PDIA3: variants seen among roughly 807,000 people sequenced by gnomAD.
PDIA3 encodes protein disulfide-isomerase A3.
In PDIA3, 16 loss-of-function variants were observed where a neutral mutation model predicts 56.9. The ratio of observed to expected loss-of-function variants is 0.28; its 90% CI spans 0.19 to 0.43. PDIA3 has a LOEUF of 0.43. PDIA3 is among the 20% of genes least tolerant of loss of function. The probability of loss-of-function intolerance (pLI) is 1.00; values close to 1 mark genes in which losing one functional copy is unlikely to be tolerated. For missense variants in PDIA3, 485 were observed against 621.3 expected (o/e 0.78, Z 2.33); for synonymous variants, 192 against 216.5 (o/e 0.89, Z 0.99).
chr15:43,762,072 A>G (rs2086819843), intron 4 of PDIA3, among the ~76,000 whole-genome samples: 1 of 152,222 alleles, frequency 6.6e-6, no homozygotes, highest in African/African-American at 2.4e-5. Flanking sequence ...TCGTTTTTAA[A>G]TGACATGAGC....
chr15:43,766,679 C>G, intron 7 of PDIA3, 49 bp from the exon 8 acceptor site: 1 of 1,504,926 alleles, frequency 6.6e-7, no homozygotes. Context: ...TTCAAAAGTG[C>G]TTGACCACCC....
intron 1 of PDIA3, among the ~76,000 whole-genome samples, chr15:43,747,726 A>G (rs758074337): frequency 1.3e-5 from 2 of 152,134 alleles, no homozygotes; most frequent in South Asian, 2.1e-4. Context: ...GTTTAATACT[A>G]TCCGTGTTCA....
intron 3 of PDIA3, among the ~76,000 whole-genome samples, chr15:43,759,756 G>C (rs1036800713): frequency 6.6e-6 from 1 of 152,094 alleles, no homozygotes; most frequent in Admixed American, 6.6e-5. Flanking sequence ...CTTACATGAG[G>C]TAGCACAAAT....
chr15:43,764,553 C>T (rs1173167942), intron 5 of PDIA3, among the ~76,000 whole-genome samples: 9 of 152,070 alleles, frequency 5.9e-5, no homozygotes, highest in African/African-American at 1.9e-4. Context: ...CTACAACCTC[C>T]GCCTCCTGGG....
chr15:43,761,627 A>G (rs1013729544), intron 4 of PDIA3, 96 bp downstream of exon 4: 1 of 681,890 alleles, frequency 1.5e-6, no homozygotes, highest in African/African-American at 1.8e-5. Flanking sequence ...GCAGTTAAGG[A>G]AACCTTGGGG....
intron 1 of PDIA3, among the ~76,000 whole-genome samples, chr15:43,747,589 T>G (rs543628014): frequency 3.3e-4 from 50 of 151,874 alleles, no homozygotes; most frequent in Non-Finnish European, 5.3e-4. Context: ...GTGTGTGTGT[T>G]TTTAAACCTC....
At position 43,746,768 on chromosome 15, in the gene PDIA3, G is replaced by T. The variant is rs529133956; in HGVS notation, c.167+62G>T. The T allele has an allele frequency of 1.9e-5, 30 of 1,558,542 alleles. No individual in the cohort carries two copies. In the East Asian group the frequency reaches 2.3e-4, roughly 12 times the overall value. On this transcript the variant is annotated intron_variant, in intron 1 of 12. Coordinates refer to ENST00000300289, the MANE Select transcript of PDIA3 (RefSeq NM_005313.5). ...GGGCTGGGCCGGGGGCGAGAGCGCG[G>T]GGAACTGTTGGGCCTACGCAGCGCC... is the stretch of plus-strand genomic sequence containing the variant.
rs997663541 is a variant in PDIA3 at position 43,756,571 on chromosome 15, C to T, written c.247-78C>T. 3 of 833,892 alleles carry T rather than the reference C, an allele frequency of 3.6e-6. No homozygotes were observed. The African/African-American group carries it at 5.0e-5, about 14-fold the overall frequency. The allele number at this position is 833,892 out of a possible 1,614,324, so 51.7% of individuals were successfully genotyped here. A position where few individuals can be genotyped will look rare whatever the true frequency, so the allele number is the denominator to read the frequency against. On this transcript the variant is annotated intron_variant, in intron 2 of 12. Coordinates refer to ENST00000300289, the MANE Select transcript of PDIA3 (RefSeq NM_005313.5). ...TTGATCCCCTTAGGATTTGACCAAT[C>T]CTAGTATTTTGAGAATATAGGAAGA...
intron 10 of PDIA3, 36 bp from the exon 11 acceptor site, chr15:43,770,214 C>G: frequency 6.5e-7 from 1 of 1,536,922 alleles, no homozygotes; most frequent in Non-Finnish European, 9.0e-7. Flanking sequence ...TCACTGAAAA[C>G]TTGAAATGTA....
rs139576892 is a variant in PDIA3, at chr15:43,761,542, A to G, written c.472+11A>G. ...ATGCCTCTATAGTAGGTAAGTAGCA[A>G]ATATTAAACCGTGCCACAGAATTGT... On this transcript the variant is annotated intron_variant, in intron 4 of 12. Coordinates refer to ENST00000300289, the MANE Select transcript of PDIA3 (RefSeq NM_005313.5). 107 of 1,275,406 alleles carry G rather than the reference A, an allele frequency of 8.4e-5. No individual in the cohort carries two copies. In the African/African-American group the frequency reaches 1.5e-3, roughly 18 times the overall value. 79.0% of individuals were successfully genotyped at this position (1,275,406 alleles called of 1,614,324 possible).
intron 1 of PDIA3, chr15:43,752,961 A>G (rs1158475638): frequency 2.9e-5 from 13 of 449,710 alleles, no homozygotes; most frequent in South Asian, 1.9e-4. Flanking sequence ...TCTAGTTTAC[A>G]TGTTTTGTTA....
rs557023866 is a variant in PDIA3, at chr15:43,771,881, C to G, written c.*663C>G. 5.7e-6 allele frequency: 2 copies of G among 352,646 alleles called. No individual in the cohort carries two copies. The highest frequency in any genetic ancestry group is 4.2e-5 in the African/African-American group (2 of 47,980). The allele number at this position is 352,646 out of a possible 1,614,324, so 21.8% of individuals were successfully genotyped here. A position where few individuals can be genotyped will look rare whatever the true frequency, so the allele number is the denominator to read the frequency against. On this transcript the variant is annotated 3_prime_UTR_variant, in exon 13 of 13. Coordinates refer to ENST00000300289, the MANE Select transcript of PDIA3 (RefSeq NM_005313.5). ...CAGCTGAAGGGCCTTTCTTGTTAGG[C>G]TGTCCATGCCCTAAGGATGGGTTCC...
intron 1 of PDIA3, among the ~76,000 whole-genome samples, chr15:43,748,459 C>T (rs530835839): frequency 3.3e-5 from 5 of 151,900 alleles, no homozygotes; most frequent in Admixed American, 2.0e-4. Context: ...GCCTGGGCAA[C>T]AAGAGCGAAA....
intron 1 of PDIA3, among the ~76,000 whole-genome samples, chr15:43,748,165 C>T (rs577918328): frequency 6.6e-6 from 1 of 152,178 alleles, no homozygotes; most frequent in East Asian, 1.9e-4. Context: ...TAGTGGGCCA[C>T]TAGAATATTA....
chr15:43,759,932 AC>A (rs1185084991), intron 3 of PDIA3, among the ~76,000 whole-genome samples: 9 of 152,254 alleles, frequency 5.9e-5, no homozygotes, highest in African/African-American at 2.2e-4. Flanking sequence ...TACTAAAAAT[AC>A]AAAAAATTAG....
intron 3 of PDIA3, among the ~76,000 whole-genome samples, chr15:43,759,733 C>CA (rs1283187385): frequency 1.3e-5 from 2 of 152,118 alleles, no homozygotes; most frequent in Non-Finnish European, 2.9e-5. Flanking sequence ...CTACATGCTG[C>CA]TATATGATTC....
At chr15:43,763,041 A>G in intron 4 of PDIA3, 36 bp from the exon 5 acceptor site, 1 of 1,604,434 alleles carries the variant, frequency 6.2e-7, no homozygotes, top group East Asian at 2.2e-5. Context: ...GTCAGCACTT[A>G]TTGCTTCTTC....
intron 5 of PDIA3, among the ~76,000 whole-genome samples, chr15:43,764,540 T>G (rs891151142): frequency 6.6e-6 from 1 of 152,164 alleles, no homozygotes; most frequent in Admixed American, 6.5e-5. Context: ...CGATCTCGGC[T>G]CACTACAACC....
At position 43,771,297 on chromosome 15, in the gene PDIA3, A is replaced by G. The variant is rs989534348; in HGVS notation, c.*79A>G. 2.4e-6 allele frequency: 2 copies of G among 842,226 alleles called. No homozygotes were observed. Among genetic ancestry groups the G allele is most frequent in the Admixed American group, 4.5e-5 (2 of 44,060 alleles). 52.2% of individuals were successfully genotyped at this position (842,226 alleles called of 1,614,324 possible). A position where few individuals can be genotyped will look rare whatever the true frequency, so the allele number is the denominator to read the frequency against. ...ACCATTGGGGAGGACTAGGACCCATATGGGAATTATTACCTCTCAGGGCCG... is the reference window on the plus strand; with the variant it reads ...ACCATTGGGGAGGACTAGGACCCATGTGGGAATTATTACCTCTCAGGGCCG... On this transcript the variant is annotated 3_prime_UTR_variant, in exon 13 of 13. Transcript: ENST00000300289.
Sources: gnomAD v4.1 joint callset for allele counts (sites outside exome capture counted in the v4.1 genomes callset) on GRCh38, gnomAD v4.1.1 for gene constraint, MANE v1.5 for transcripts, NCBI Gene and HGNC (gene_info 2026-07-23, HGNC 2026-07-21) for gene names.